The following ETV6 variants were observed in gnomAD, a reference collection of about 807,000 sequenced individuals.
The protein encoded by ETV6 is ETS variant transcription factor 6, also known as transcription factor ETV6.
In ETV6, 16 loss-of-function variants were observed where a neutral mutation model predicts 51.1. The observed-to-expected ratio is 0.31, with a 90% CI of 0.21 to 0.48. ETV6 has a LOEUF of 0.48. Ranked by LOEUF, ETV6 falls within the 20% of genes least tolerant of loss-of-function variation. The probability of loss-of-function intolerance (pLI) is 0.99; values close to 1 mark genes in which losing one functional copy is unlikely to be tolerated. For missense variants in ETV6, 458 were observed against 594.8 expected (o/e 0.77, Z 2.39); for synonymous variants, 240 against 224.1 (o/e 1.07, Z -0.64).
intron 2 of ETV6, among the ~76,000 whole-genome samples, chr12:11,762,238 G>C (rs148656912): frequency 3.7e-4 from 56 of 152,318 alleles, no homozygotes; most frequent in Non-Finnish European, 5.3e-4. Flanking sequence ...CTGCTCCCCT[G>C]TTCTCATAGC....
intron 4 of ETV6, among the ~76,000 whole-genome samples, chr12:11,853,888 T>TG (rs968446554): frequency 1.4e-4 from 22 of 152,328 alleles, no homozygotes; most frequent in African/African-American, 5.3e-4. Flanking sequence ...CTTAGAGCAG[T>TG]GCTCCCCACC....
intron 2 of ETV6, among the ~76,000 whole-genome samples, chr12:11,823,219 A>G (rs910164734): frequency 2.4e-4 from 37 of 152,114 alleles, no homozygotes; most frequent in African/African-American, 8.9e-4. Context: ...CTGTGACTAT[A>G]ACTCCGTATT....
rs141932646 is a variant in ETV6, at chr12:11,877,596, A to G, written c.1010-6849A>G. ...AGGTGAAAGAGCCGCTTCCTCCCAC[A>G]CTATCTCAGGGAGATGCCCTTCTGT... is the stretch of plus-strand genomic sequence containing the variant. On this transcript the variant is annotated intron_variant, in intron 5 of 7. Coordinates refer to ENST00000396373, the MANE Select transcript of ETV6 (RefSeq NM_001987.5). Among the ~76,000 whole-genome samples the G allele has an allele frequency of 4.5e-3, 683 of 152,232 alleles. 3 individuals carry two copies. Among genetic ancestry groups the G allele is most frequent in the African/African-American group, 0.016 (648 of 41,534 alleles).
chr12:11,757,964 G>A (rs1220274170), intron 2 of ETV6, among the ~76,000 whole-genome samples: 1 of 152,194 alleles, frequency 6.6e-6, no homozygotes, highest in Non-Finnish European at 1.5e-5. Flanking sequence ...GGTTAGAGTT[G>A]AATTTCTCCC....
chr12:11,774,032 G>A (rs1022721810), intron 2 of ETV6, among the ~76,000 whole-genome samples: 2 of 152,142 alleles, frequency 1.3e-5, no homozygotes, highest in African/African-American at 4.8e-5. Flanking sequence ...AACTGAGGGC[G>A]GACCTGGAGC....
chr12:11,742,751 G>A (rs1235217574), intron 1 of ETV6, among the ~76,000 whole-genome samples: 1 of 150,958 alleles, frequency 6.6e-6, no homozygotes, highest in African/African-American at 2.4e-5. Context: ...AACCTTTGTT[G>A]CAAGAAGATC....
chr12:11,749,076 T>A lies in ETV6; in HGVS notation c.34-3374T>A, dbSNP rs149776126. Among the ~76,000 whole-genome samples, 4 of 152,162 alleles carry A rather than the reference T, an allele frequency of 2.6e-5. 1 individual carries two copies. The highest frequency in any genetic ancestry group is 7.2e-5 in the African/African-American group (3 of 41,410). On this transcript the variant is annotated intron_variant, in intron 1 of 7. Transcript: ENST00000396373. Reference sequence around the variant, plus strand: ...TGTTCAGCTGGTTGGCTTGATAGGTTGTATCTGCAAATTTGAGAGCAGCGT... The same window carrying A: ...TGTTCAGCTGGTTGGCTTGATAGGTAGTATCTGCAAATTTGAGAGCAGCGT...
chr12:11,723,908 A>C (rs1865439995), intron 1 of ETV6, among the ~76,000 whole-genome samples: 2 of 151,706 alleles, frequency 1.3e-5, no homozygotes, highest in Non-Finnish European at 1.5e-5. Flanking sequence ...CCCCAGGAAG[A>C]GCATAGGAGT....
intron 2 of ETV6, 31 bp from the exon 3 acceptor site, chr12:11,839,109 C>A: frequency 6.3e-7 from 1 of 1,598,664 alleles, no homozygotes; most frequent in South Asian, 1.1e-5. Flanking sequence ...ACCTTTCTCT[C>A]TTTCTTTCTG....
intron 1 of ETV6, among the ~76,000 whole-genome samples, chr12:11,705,275 G>T (rs990195675): frequency 6.6e-6 from 1 of 152,200 alleles, no homozygotes; most frequent in Non-Finnish European, 1.5e-5. Flanking sequence ...AATTCAGGAT[G>T]ATTTGCCACT....
chr12:11,717,857 T>G (rs1865306709), intron 1 of ETV6, among the ~76,000 whole-genome samples: 1 of 152,132 alleles, frequency 6.6e-6, no homozygotes, highest in Non-Finnish European at 1.5e-5. Flanking sequence ...GTATCTGACC[T>G]CCAACTACTC....
intron 2 of ETV6, among the ~76,000 whole-genome samples, chr12:11,763,042 A>AACCTGTTAT (rs1369193820): frequency 6.6e-6 from 1 of 152,106 alleles, no homozygotes; most frequent in East Asian, 1.9e-4. Context: ...CAGGTTCCCA[A>AACCTGTTAT]ACCTGTTATT....
intron 2 of ETV6, among the ~76,000 whole-genome samples, chr12:11,797,530 A>G (rs1945696665): frequency 6.6e-6 from 1 of 152,232 alleles, no homozygotes; most frequent in African/African-American, 2.4e-5. Context: ...AGAGCTGGGT[A>G]GGAACCAAGA....
chr12:11,686,164 T>C (rs1864624428), intron 1 of ETV6, among the ~76,000 whole-genome samples: 1 of 152,236 alleles, frequency 6.6e-6, no homozygotes, highest in Non-Finnish European at 1.5e-5. Context: ...GTGGATAGTT[T>C]TGCAATTTAT....
intron 1 of ETV6, among the ~76,000 whole-genome samples, chr12:11,733,777 A>G (rs1000744222): frequency 7.9e-5 from 12 of 152,248 alleles, no homozygotes; most frequent in African/African-American, 2.9e-4. Flanking sequence ...ACACACCCAC[A>G]TACCCTGTTC....
chr12:11,816,313 C>T (rs956021407), intron 2 of ETV6, among the ~76,000 whole-genome samples: 15 of 152,222 alleles, frequency 9.9e-5, no homozygotes, highest in African/African-American at 2.2e-4. Flanking sequence ...GGCGCCGTCT[C>T]GGCTCACTGC....
At chr12:11,883,287 T>C (rs1325643783) in intron 5 of ETV6, among the ~76,000 whole-genome samples, 873 of 35,744 alleles carry the variant, frequency 0.024, 34 homozygotes, top group African/African-American at 0.039. Context: ...TTTTTTTTTT[T>C]TTTTTTTTTT....
chr12:11,726,677 G>A (rs1865494939), intron 1 of ETV6, among the ~76,000 whole-genome samples: 1 of 152,148 alleles, frequency 6.6e-6, no homozygotes, highest in Admixed American at 6.5e-5. Flanking sequence ...GGCTGAGGTG[G>A]GAGGATTGCT....
At chr12:11,680,040 G>T (rs1265246203) in intron 1 of ETV6, among the ~76,000 whole-genome samples, 2 of 152,186 alleles carry the variant, frequency 1.3e-5, no homozygotes, top group African/African-American at 2.4e-5. Flanking sequence ...GTTTTTCTCT[G>T]TAAAAGTTGA....
Sources: allele counts gnomAD v4.1 joint callset (sites outside exome capture counted in the v4.1 genomes callset), GRCh38; gene constraint gnomAD v4.1.1; transcripts MANE v1.5; gene names NCBI Gene and HGNC (gene_info 2026-07-23, HGNC 2026-07-21).